The following GRM8 variants were observed in gnomAD, a reference collection of about 807,000 sequenced individuals.
GRM8 encodes the protein metabotropic glutamate receptor 8.
A neutral mutation model predicts 87.2 loss-of-function variants in GRM8; 47 were observed. That is an observed-to-expected ratio of 0.54 (90% CI 0.43 to 0.69). GRM8 has a LOEUF of 0.69. Among genes scored for constraint, GRM8 ranks in the 30% least tolerant of loss-of-function variants. The pLI is 0.00. For synonymous variants in GRM8, 396 were observed against 404.5 expected (o/e 0.98, Z 0.25); for missense variants, 1,019 against 1,139.2 (o/e 0.89, Z 1.52).
chr7:126,747,774 A>G (rs10487460), intron 7 of GRM8, among the ~76,000 whole-genome samples: 59,191 of 151,676 alleles, frequency 0.39, 12,765 homozygotes, highest in Non-Finnish European at 0.48. Flanking sequence ...TTGAGTAATA[A>G]AACCATACAA....
At chr7:126,660,688 A>T (rs1178533242) in intron 7 of GRM8, among the ~76,000 whole-genome samples, 1 of 152,226 alleles carries the variant, frequency 6.6e-6, no homozygotes, top group Non-Finnish European at 1.5e-5. Flanking sequence ...TAGTGCAATT[A>T]TCCGTCCTTA....
chr7:127,022,598 G>T (rs1816385929), intron 3 of GRM8, among the ~76,000 whole-genome samples: 1 of 151,708 alleles, frequency 6.6e-6, no homozygotes, highest in Non-Finnish European at 1.5e-5. Context: ...GAATAGGTTG[G>T]GTCCACAGTT....
chr7:127,179,592 G>C (rs1277501555), intron 2 of GRM8, among the ~76,000 whole-genome samples: 1 of 152,012 alleles, frequency 6.6e-6, no homozygotes, highest in Non-Finnish European at 1.5e-5. Flanking sequence ...TAGACCATAT[G>C]ACAGGCCATA....
intron 7 of GRM8, among the ~76,000 whole-genome samples, chr7:126,679,709 A>G (rs746079791): frequency 3.9e-5 from 6 of 152,112 alleles, no homozygotes; most frequent in Admixed American, 1.3e-4. Flanking sequence ...TGCAAGGGCT[A>G]TTTTTCTCAG....
intron 7 of GRM8, among the ~76,000 whole-genome samples, chr7:126,741,354 T>C (rs1183013567): frequency 6.6e-6 from 1 of 152,074 alleles, no homozygotes; most frequent in Non-Finnish European, 1.5e-5. Flanking sequence ...AATAAAACAC[T>C]GTTTTCAAAC....
In GRM8 at chr7:127,152,495, T is replaced by A. The variant is rs11563301; in HGVS notation, c.511-45783A>T. ...AGAGTATCTATGGCAAAGGAAATAT[T>A]CTACCAACCTGATTAACAACTTCAT... On this transcript the variant is annotated intron_variant, in intron 2 of 10. Coordinates refer to ENST00000339582, the MANE Select transcript of GRM8 (RefSeq NM_000845.3). 3.5e-3 allele frequency among the ~76,000 whole-genome samples: 526 copies of A among 152,244 alleles called. 9 individuals carry two copies. The highest frequency in any genetic ancestry group is 0.029 in the Admixed American group (443 of 15,280).
At chr7:126,974,763 C>G (rs971988091) in intron 3 of GRM8, among the ~76,000 whole-genome samples, 1 of 151,834 alleles carries the variant, frequency 6.6e-6, no homozygotes, top group Admixed American at 6.6e-5. Flanking sequence ...GAAATCCTGT[C>G]TCTACTAAAA....
chr7:127,149,745 A>T (rs931668552), intron 2 of GRM8, among the ~76,000 whole-genome samples: 7 of 152,092 alleles, frequency 4.6e-5, no homozygotes, highest in African/African-American at 9.7e-5. Flanking sequence ...AAAGAACAAG[A>T]TTCTACTTGC....
At chr7:126,625,056 A>G (rs1213561781) in intron 7 of GRM8, among the ~76,000 whole-genome samples, 3 of 152,230 alleles carry the variant, frequency 2.0e-5, no homozygotes, top group Non-Finnish European at 4.4e-5. Flanking sequence ...ACATCCAAAT[A>G]TCTAGTGAGT....
intron 7 of GRM8, among the ~76,000 whole-genome samples, chr7:126,712,492 A>G (rs140337717): frequency 6.6e-6 from 1 of 152,220 alleles, no homozygotes; most frequent in Non-Finnish European, 1.5e-5. Context: ...ACCGACTTGA[A>G]ATAGAGTTCT....
At chr7:127,036,723 G>C (rs151180460) in intron 3 of GRM8, among the ~76,000 whole-genome samples, 1 of 152,080 alleles carries the variant, frequency 6.6e-6, no homozygotes, top group Non-Finnish European at 1.5e-5. Flanking sequence ...TTGTTACGCC[G>C]CACAGAGTGC....
At chr7:126,794,603 A>G (rs1821758667) in intron 6 of GRM8, among the ~76,000 whole-genome samples, 1 of 152,168 alleles carries the variant, frequency 6.6e-6, no homozygotes, top group Non-Finnish European at 1.5e-5. Flanking sequence ...ATTATGCTGT[A>G]CCCTGGTATT....
intron 3 of GRM8, among the ~76,000 whole-genome samples, chr7:127,055,651 C>T (rs1259951954): frequency 6.7e-6 from 1 of 148,718 alleles, no homozygotes; most frequent in Non-Finnish European, 1.5e-5. Context: ...TGCTACCCAT[C>T]CCCAAATATT....
chr7:127,244,801 C>T (rs1211699903), intron 1 of GRM8, among the ~76,000 whole-genome samples: 1 of 152,182 alleles, frequency 6.6e-6, no homozygotes, highest in East Asian at 1.9e-4. Flanking sequence ...AAGAAAGCTG[C>T]ATTTTTTGCA....
At chr7:126,617,825 G>A (rs1465131549) in intron 7 of GRM8, among the ~76,000 whole-genome samples, 2 of 152,192 alleles carry the variant, frequency 1.3e-5, no homozygotes, top group African/African-American at 4.8e-5. Flanking sequence ...TACAAGGGAT[G>A]TGAAGGAACT....
At chr7:127,057,512 G>A (rs942817522) in intron 3 of GRM8, among the ~76,000 whole-genome samples, 10 of 151,850 alleles carry the variant, frequency 6.6e-5, no homozygotes, top group Non-Finnish European at 1.2e-4. Flanking sequence ...GTAGAACTGA[G>A]GCACAAAACA....
At chr7:126,868,111 G>A (rs1789818781) in intron 6 of GRM8, among the ~76,000 whole-genome samples, 1 of 152,184 alleles carries the variant, frequency 6.6e-6, no homozygotes, top group Non-Finnish European at 1.5e-5. Flanking sequence ...CACAGGGCCA[G>A]GCTTAGACCC....
intron 7 of GRM8, among the ~76,000 whole-genome samples, chr7:126,612,851 T>A (rs1317986753): frequency 6.6e-6 from 1 of 152,244 alleles, no homozygotes; most frequent in Admixed American, 6.5e-5. Context: ...TTCATGTATA[T>A]TTTCTGTCAT....
chr7:126,696,668 C>G (rs1275545862), intron 7 of GRM8, among the ~76,000 whole-genome samples: 1 of 152,044 alleles, frequency 6.6e-6, no homozygotes, highest in Non-Finnish European at 1.5e-5. Context: ...TTTGCTGAGG[C>G]TAAAAGGAAC....
Sources: allele counts gnomAD v4.1 joint callset (sites outside exome capture counted in the v4.1 genomes callset), GRCh38; gene constraint gnomAD v4.1.1; transcripts MANE v1.5; gene names NCBI Gene and HGNC (gene_info 2026-07-23, HGNC 2026-07-21).